The following GPR173 variants were observed in gnomAD, a reference collection of about 807,000 sequenced individuals.
GPR173 encodes the protein probable G protein-coupled receptor 173.
Under a neutral mutation model 13.9 loss-of-function variants are expected in GPR173, and 2 were observed. The ratio of observed to expected loss-of-function variants is 0.14; its 90% confidence interval spans 0.06 to 0.45. The LOEUF (loss-of-function observed/expected upper bound fraction) is 0.45. Among genes scored for constraint, GPR173 ranks in the 20% least tolerant of loss-of-function variants. The pLI is 0.98. For missense variants in GPR173, 202 were observed against 340.5 expected (o/e 0.59, Z 3.20); for synonymous variants, 131 against 141.0 (o/e 0.93, Z 0.50).
At position 53,057,103 on chromosome X, in the gene GPR173, G is replaced by A. The variant is rs781923638; in HGVS notation, c.-98+7619G>A. Reference sequence around the variant, plus strand: ...TACTATTACCTATCTCATAGGATGAGGATTGGGTGAGTTATATGAAAAGCA... The same window carrying A: ...TACTATTACCTATCTCATAGGATGAAGATTGGGTGAGTTATATGAAAAGCA... On this transcript the variant is annotated intron_variant, in intron 1 of 1. Coordinates refer to ENST00000332582, the MANE Select transcript of GPR173 (RefSeq NM_018969.6). Among the ~76,000 whole-genome samples, 142 of 112,132 alleles carry A rather than the reference G, an allele frequency of 1.3e-3. 2 individuals are homozygous for A. The highest frequency in any genetic ancestry group is 1.6e-3 in the Non-Finnish European group (87 of 53,204).
At chrX:53,070,189 A>G (rs1932239034) in intron 1 of GPR173, among the ~76,000 whole-genome samples, 1 of 111,781 alleles carries the variant, frequency 8.9e-6, no homozygotes, top group African/African-American at 3.3e-5. Context: ...ATCATCAGCT[A>G]TATTGGGTCA....
At chrX:53,062,168 T>G (rs1160566048) in intron 1 of GPR173, among the ~76,000 whole-genome samples, 1 of 111,386 alleles carries the variant, frequency 9.0e-6, no homozygotes, top group East Asian at 2.8e-4. Flanking sequence ...TACTGCTGCA[T>G]TGGGGATTAG....
chrX:53,051,761 G>A (rs1197773277), intron 1 of GPR173, among the ~76,000 whole-genome samples: 1 of 111,517 alleles, frequency 9.0e-6, no homozygotes, highest in African/African-American at 3.3e-5. Context: ...GTGTATGAGT[G>A]TGTGGGTTTC....
At chrX:53,072,751 A>ATG (rs781820992) in intron 1 of GPR173, among the ~76,000 whole-genome samples, 9 of 111,054 alleles carry the variant, frequency 8.1e-5, no homozygotes, top group African/African-American at 3.0e-4. Context: ...GAAAGAGAGT[A>ATG]AGTGTGTGTG....
At position 53,076,885 on chromosome X, in the gene GPR173, A is replaced by G. The variant is rs781844617; in HGVS notation, c.264A>G (p.Ser88=). The change falls in exon 2 of 2, where the codon TCA becomes TCG. Residue 88 remains serine (S), a synonymous_variant. Transcript: ENST00000332582. ...FVLASVRHGS[S]WTFSALSCKI... Reference sequence around the variant, plus strand: ...TGGCTTCTGTGCGCCACGGCTCTTCATGGACCTTCAGTGCACTCAGCTGCA... The same window carrying G: ...TGGCTTCTGTGCGCCACGGCTCTTCGTGGACCTTCAGTGCACTCAGCTGCA... 5 of 1,209,549 alleles carry G rather than the reference A, an allele frequency of 4.1e-6. No individual in the cohort carries two copies. The highest frequency in any genetic ancestry group is 5.9e-5 in the East Asian group (2 of 33,835).
rs1311126837 is a variant in GPR173 at position 53,049,005 on chromosome X, C to A, written c.-577C>A. On this transcript the variant is annotated 5_prime_UTR_variant, in exon 1 of 2. Transcript: ENST00000332582. ...ATCTGCTGGAGGCTTGGCAGAGGCC[C>A]CGCGGGGACCGTGTCTTCTGAGGAC... 9.7e-6 allele frequency: 1 copy of A among 103,567 alleles called. No individual in the cohort carries two copies. Among genetic ancestry groups the A allele is most frequent in the Non-Finnish European group, 2.0e-5 (1 of 50,356 alleles). 8.5% of individuals were successfully genotyped at this position (103,567 alleles called of 1,213,427 possible).
At position 53,073,973 on chromosome X, in the gene GPR173, T is replaced by TTATG. The variant is rs1410930181; in HGVS notation, c.-97-2549_-97-2548insGTAT. On this transcript the variant is annotated intron_variant, in intron 1 of 1. Coordinates refer to ENST00000332582, the MANE Select transcript of GPR173 (RefSeq NM_018969.6). ...TGTATATTTATATATAAATATATATTTATATTTATATATAAATATACATAA... is the reference window on the plus strand; with the variant it reads ...TGTATATTTATATATAAATATATATTTATGTATATTTATATATAAATATACATAA... Among the ~76,000 whole-genome samples the TTATG allele has an allele frequency of 2.6e-3, 27 of 10,347 alleles. 1 individual carries two copies. Among genetic ancestry groups the TTATG allele is most frequent in the African/African-American group, 0.018 (15 of 822 alleles). The allele number at this position is 10,347 out of a possible 115,157, so 9.0% of individuals were successfully genotyped here.
intron 1 of GPR173, among the ~76,000 whole-genome samples, chrX:53,067,353 A>AT (rs782353618): frequency 3.6e-5 from 4 of 111,864 alleles, no homozygotes; most frequent in Non-Finnish European, 5.6e-5. Flanking sequence ...CTTGTTAATC[A>AT]TACAACCCTG....
rs782789234 is a variant in GPR173, at chrX:53,077,051, A to G, written c.430A>G (p.Ile144Val). 3 of 1,209,363 alleles carry G rather than the reference A, an allele frequency of 2.5e-6. No homozygotes were observed. Among genetic ancestry groups the G allele is most frequent in the Admixed American group, 4.3e-5 (2 of 46,137 alleles). Residue 144 changes from isoleucine to valine, a missense_variant, in exon 2 of 2, where the codon ATC becomes GTC. By Grantham distance (29) the Ile-to-Val change is conservative (BLOSUM62 3). This residue lies in a region of GPR173 where 98 missense variants were observed against 137.2 expected (regional missense o/e 0.71). Coordinates refer to ENST00000332582, the MANE Select transcript of GPR173 (RefSeq NM_018969.6). Reference sequence around the variant, plus strand: ...GACACTCTGGACATGCGCGGCTGTCATCTGCATGGCCTGGACCCTGTCTGT... The same window carrying G: ...GACACTCTGGACATGCGCGGCTGTCGTCTGCATGGCCTGGACCCTGTCTGT... ...RMTLWTCAAV[I>V]CMAWTLSVAM...
At chrX:53,075,019 T>C (rs1556805641) in intron 1 of GPR173, among the ~76,000 whole-genome samples, 1 of 102,592 alleles carries the variant, frequency 9.7e-6, no homozygotes. Context: ...CTCAGAATCC[T>C]CCCGTGACTC....
At chrX:53,073,675 G>C (rs1932301269) in intron 1 of GPR173, among the ~76,000 whole-genome samples, 1 of 102,639 alleles carries the variant, frequency 9.7e-6, no homozygotes, top group South Asian at 4.2e-4. Flanking sequence ...TCTTTCAGAG[G>C]AGAGTCAGTG....
Position 53,078,020 on chromosome X carries a change from C to G in GPR173, c.*277C>G, listed in dbSNP as rs905159830. The G allele has an allele frequency of 1.2e-4, 10 of 80,907 alleles. No individual in the cohort carries two copies. Among genetic ancestry groups the G allele is most frequent in the South Asian group, 4.3e-4 (1 of 2,306 alleles). 6.7% of individuals were successfully genotyped at this position (80,907 alleles called of 1,213,427 possible). ...TCATTCTCTCTCTCTCTCTCTCTGTCTCTCTCTCTCTCTCTCTCTCTCTCT... is the reference window on the plus strand; with the variant it reads ...TCATTCTCTCTCTCTCTCTCTCTGTGTCTCTCTCTCTCTCTCTCTCTCTCT... On this transcript the variant is annotated 3_prime_UTR_variant, in exon 2 of 2. Coordinates refer to ENST00000332582, the MANE Select transcript of GPR173 (RefSeq NM_018969.6).
chrX:53,074,011 C>T (rs782345748), intron 1 of GPR173, among the ~76,000 whole-genome samples: 607 of 11,183 alleles, frequency 0.054, 124 homozygotes, highest in African/African-American at 0.19. Context: ...ATATATTATA[C>T]ATAAATATAT....
At chrX:53,071,408 C>T (rs12389413) in intron 1 of GPR173, among the ~76,000 whole-genome samples, 33,924 of 111,542 alleles carry the variant, frequency 0.3, 4,964 homozygotes, top group African/African-American at 0.59. Context: ...AAGGAAAGCT[C>T]ATCCCAAACC....
At chrX:53,061,198 G>A (rs181421188) in intron 1 of GPR173, among the ~76,000 whole-genome samples, 1 of 107,672 alleles carries the variant, frequency 9.3e-6, no homozygotes, top group East Asian at 2.9e-4. Context: ...ACTCCAGCCT[G>A]GGTGACAGAG....
intron 1 of GPR173, among the ~76,000 whole-genome samples, chrX:53,055,083 G>A (rs1932014471): frequency 9.1e-6 from 1 of 109,550 alleles, no homozygotes; most frequent in Non-Finnish European, 1.9e-5. Flanking sequence ...CATTGTGTGT[G>A]TGCAGTGTGA....
chrX:53,063,740 C>T (rs1556804006), intron 1 of GPR173, among the ~76,000 whole-genome samples: 1 of 111,929 alleles, frequency 8.9e-6, no homozygotes, highest in East Asian at 2.8e-4. Flanking sequence ...CTGCCTTCCA[C>T]TAAGTCCTAG....
chrX:53,077,458 G>C lies in GPR173; in HGVS notation c.837G>C (p.Lys279Asn). 8.3e-7 allele frequency: 1 copy of C among 1,210,780 alleles called. No individual in the cohort carries two copies. The highest frequency in any genetic ancestry group is 1.1e-6 in the Non-Finnish European group (1 of 894,897). Residue 279 changes from lysine to asparagine, a missense_variant, in exon 2 of 2, where the codon AAG (lysine) becomes AAC (asparagine). Coordinates refer to ENST00000332582, the MANE Select transcript of GPR173 (RefSeq NM_018969.6). ...GGCTACTGGGCATGGACGAGGTCAA[G>C]GGTGAAAAGCAGCTGGGCCGCATGT... ...SRRLLGMDEVKGEKQLGRMFY... is the reference protein window; with the variant it reads ...SRRLLGMDEVNGEKQLGRMFY...
rs781914597 is a variant in GPR173 at position 53,058,532 on chromosome X, G to A, written c.-98+9048G>A. Among the ~76,000 whole-genome samples, 13 of 110,879 alleles carry A rather than the reference G, an allele frequency of 1.2e-4. No individual in the cohort carries two copies. In the East Asian group the frequency reaches 3.7e-3, roughly 32 times the overall value. On this transcript the variant is annotated intron_variant, in intron 1 of 1. Coordinates refer to ENST00000332582, the MANE Select transcript of GPR173 (RefSeq NM_018969.6). ...CCTCAGTGGCTATGTGGGTGTGTATGATTGAGTCTGCATTGCTCTACATGC... is the reference window on the plus strand; with the variant it reads ...CCTCAGTGGCTATGTGGGTGTGTATAATTGAGTCTGCATTGCTCTACATGC...
Sources: allele counts gnomAD v4.1 joint callset (sites outside exome capture counted in the v4.1 genomes callset), GRCh38; gene constraint gnomAD v4.1.1; regional missense constraint gnomAD v4.1.1; transcripts MANE v1.5; gene names NCBI Gene and HGNC (gene_info 2026-07-23, HGNC 2026-07-21).